GUCY1A2: variants seen among roughly 807,000 people sequenced by gnomAD.
GUCY1A2 encodes the protein guanylate cyclase 1 soluble subunit alpha 2.
Under a neutral mutation model 63.5 loss-of-function variants are expected in GUCY1A2, and 27 were observed. That is an observed-to-expected ratio of 0.43 (90% CI 0.31 to 0.59). GUCY1A2 has a LOEUF of 0.59. Ranked by LOEUF, GUCY1A2 falls within the 20% of genes least tolerant of loss-of-function variation. The pLI, the probability that GUCY1A2 is intolerant of heterozygous loss-of-function variation, is 0.11. For synonymous variants in GUCY1A2, 364 were observed against 343.5 expected (o/e 1.06, Z -0.66); for missense variants, 768 against 913.3 (o/e 0.84, Z 2.05).
At chr11:106,763,132 A>G (rs1032596783) in intron 6 of GUCY1A2, among the ~76,000 whole-genome samples, 1 of 152,148 alleles carries the variant, frequency 6.6e-6, no homozygotes, top group African/African-American at 2.4e-5. Context: ...TCATACGTAT[A>G]TTTGGAAAAT....
At chr11:106,994,118 C>T (rs2120162481) in intron 1 of GUCY1A2, among the ~76,000 whole-genome samples, 1 of 152,280 alleles carries the variant, frequency 6.6e-6, no homozygotes, top group East Asian at 1.9e-4. Context: ...TAAATGTTGA[C>T]ATTATGCTAA....
chr11:106,922,705 A>G (rs1860464998), intron 4 of GUCY1A2, among the ~76,000 whole-genome samples: 2 of 131,240 alleles, frequency 1.5e-5, no homozygotes, highest in South Asian at 2.6e-4. Flanking sequence ...ATATATATAT[A>G]TATATATATA....
At chr11:106,714,608 A>T (rs1863183832) in intron 6 of GUCY1A2, among the ~76,000 whole-genome samples, 1 of 152,338 alleles carries the variant, frequency 6.6e-6, no homozygotes, top group South Asian at 2.1e-4. Flanking sequence ...ACCAAGCAGT[A>T]ATATTTGCAT....
At chr11:106,803,147 T>A (rs1381570089) in intron 5 of GUCY1A2, among the ~76,000 whole-genome samples, 1 of 152,102 alleles carries the variant, frequency 6.6e-6, no homozygotes, top group East Asian at 1.9e-4. Flanking sequence ...AGAAGAAAAA[T>A]AATTCAGGCT....
chr11:106,753,708 G>T (rs1015548580), intron 6 of GUCY1A2, among the ~76,000 whole-genome samples: 1 of 152,120 alleles, frequency 6.6e-6, no homozygotes, highest in African/African-American at 2.4e-5. Context: ...TGTTCCATTG[G>T]TCTATACATC....
chr11:106,989,832 T>C (rs1861448497), intron 1 of GUCY1A2, among the ~76,000 whole-genome samples: 1 of 152,102 alleles, frequency 6.6e-6, no homozygotes, highest in Non-Finnish European at 1.5e-5. Flanking sequence ...CTGAGGATAG[T>C]ACTAAAGCCA....
At chr11:106,924,619 G>C (rs1860496246) in intron 4 of GUCY1A2, among the ~76,000 whole-genome samples, 1 of 152,128 alleles carries the variant, frequency 6.6e-6, no homozygotes, top group Non-Finnish European at 1.5e-5. Context: ...GTAGGCCTTA[G>C]TATGTCTCTA....
chr11:106,709,307 TTATA>T (rs1194728780), intron 6 of GUCY1A2, among the ~76,000 whole-genome samples: 12 of 67,520 alleles, frequency 1.8e-4, no homozygotes, highest in African/African-American at 6.6e-4. Flanking sequence ...ATTTTTATAT[TTATA>T]TATATTTATA....
At chr11:106,952,897 C>T (rs1860930083) in intron 3 of GUCY1A2, among the ~76,000 whole-genome samples, 1 of 152,116 alleles carries the variant, frequency 6.6e-6, no homozygotes, top group Admixed American at 6.5e-5. Flanking sequence ...ATCTCAGCCT[C>T]CCAAAGTGCT....
intron 4 of GUCY1A2, among the ~76,000 whole-genome samples, chr11:106,860,580 AAGCATATTCAACT>A (rs1307679654): frequency 6.6e-6 from 1 of 151,980 alleles, no homozygotes; most frequent in Non-Finnish European, 1.5e-5. Context: ...CCAGACAACC[AAGCATATTCAACT>A]ATGTATAAAG....
chr11:106,889,304 C>T (rs185804965), intron 4 of GUCY1A2, among the ~76,000 whole-genome samples: 11 of 151,980 alleles, frequency 7.2e-5, no homozygotes, highest in Non-Finnish European at 1.5e-4. Context: ...AAAAAAGTGC[C>T]CAGAAAAGTT....
At chr11:106,782,803 A>G in intron 5 of GUCY1A2, among the ~76,000 whole-genome samples, 1 of 152,218 alleles carries the variant, frequency 6.6e-6, no homozygotes, top group Non-Finnish European at 1.5e-5. Context: ...TTTCATGGAT[A>G]CTTACTAGTA....
intron 1 of GUCY1A2, among the ~76,000 whole-genome samples, chr11:107,002,876 T>G (rs1861627936): frequency 6.6e-6 from 1 of 152,226 alleles, no homozygotes; most frequent in Admixed American, 6.5e-5. Flanking sequence ...AAATTAGGTA[T>G]GAATAAAACC....
At chr11:106,907,905 T>C (rs946175413) in intron 4 of GUCY1A2, among the ~76,000 whole-genome samples, 1 of 152,148 alleles carries the variant, frequency 6.6e-6, no homozygotes, top group East Asian at 1.9e-4. Context: ...TCTTTATGCA[T>C]GTAAGTTTAT....
At chr11:106,944,932 A>C (rs938198442) in intron 3 of GUCY1A2, among the ~76,000 whole-genome samples, 2 of 152,194 alleles carry the variant, frequency 1.3e-5, no homozygotes, top group Non-Finnish European at 2.9e-5. Flanking sequence ...TATTTTCCAT[A>C]AACATATTTA....
chr11:106,826,605 T>C lies in GUCY1A2; in HGVS notation c.1207-16127A>G, dbSNP rs1031798332. 3.0e-4 allele frequency: 481 copies of C among 1,603,994 alleles called. 1 individual carries two copies. The highest frequency in any genetic ancestry group is 3.5e-4 in the Non-Finnish European group (413 of 1,170,860). ...TCAGCATTAATTCATGATCTGAACC[T>C]AAGCCCTGTGCATTGTATTTTCCCA... On this transcript the variant is annotated intron_variant, in intron 4 of 7. Coordinates refer to ENST00000526355, the MANE Select transcript of GUCY1A2 (RefSeq NM_000855.3).
intron 4 of GUCY1A2, among the ~76,000 whole-genome samples, chr11:106,839,512 T>A (rs1192192268): frequency 6.6e-6 from 1 of 152,058 alleles, no homozygotes; most frequent in East Asian, 1.9e-4. Flanking sequence ...TTACTGGGTA[T>A]ATACCCAAAG....
chr11:106,970,920 C>G (rs1861185239), intron 3 of GUCY1A2, among the ~76,000 whole-genome samples: 1 of 151,990 alleles, frequency 6.6e-6, no homozygotes, highest in Admixed American at 6.6e-5. Context: ...CTGCCAAAGA[C>G]ATGGATTAAT....
At chr11:106,825,552 T>C (rs1858958252) in intron 4 of GUCY1A2, among the ~76,000 whole-genome samples, 1 of 151,910 alleles carries the variant, frequency 6.6e-6, no homozygotes, top group African/African-American at 2.4e-5. Context: ...AAGTTTTTTA[T>C]GCCTTTATAT....
Sources: allele counts gnomAD v4.1 joint callset (sites outside exome capture counted in the v4.1 genomes callset), GRCh38; gene constraint gnomAD v4.1.1; transcripts MANE v1.5; gene names NCBI Gene and HGNC (gene_info 2026-07-23, HGNC 2026-07-21).